The following MAP3K7CL variants were observed in gnomAD, a reference collection of about 807,000 sequenced individuals.
MAP3K7CL encodes the protein MAP3K7 C-terminal-like protein.
MAP3K7CL carries 16 observed loss-of-function variants against 18.6 expected under a neutral mutation model. The observed-to-expected ratio is 0.86, with a 90% CI of 0.58 to 1.31. The LOEUF is 1.31. MAP3K7CL is among the 50% of genes most tolerant of loss of function. The probability of loss-of-function intolerance (pLI) is 0.00; values close to 1 mark genes in which losing one functional copy is unlikely to be tolerated. For missense variants in MAP3K7CL, 163 were observed against 174.4 expected (o/e 0.93, Z 0.37); for synonymous variants, 65 against 66.8 (o/e 0.97, Z 0.13).
chr21:29,103,963 A>AT (rs11441509), intron 4 of MAP3K7CL, among the ~76,000 whole-genome samples: 8,014 of 150,820 alleles, frequency 0.053, 276 homozygotes, highest in Middle Eastern at 0.12. Flanking sequence ...TTTTGGAGTA[A>AT]TTTTTTTTTT....
upstream of MAP3K7CL, chr21:29,128,118 G>A (rs966191417): frequency 3.9e-5 from 6 of 152,284 alleles, no homozygotes; most frequent in African/African-American, 1.4e-4. Context: ...CACAGATGTG[G>A]TATCTGCTTT....
At chr21:29,087,851 C>G (rs1217941039) in intron 1 of MAP3K7CL, among the ~76,000 whole-genome samples, 1 of 152,008 alleles carries the variant, frequency 6.6e-6, no homozygotes, top group African/African-American at 2.4e-5. Flanking sequence ...CCTCGGCCTC[C>G]CAAAGTGCTG....
intron 4 of MAP3K7CL, among the ~76,000 whole-genome samples, chr21:29,094,646 A>T (rs1031100669): frequency 1.3e-5 from 2 of 152,312 alleles, no homozygotes; most frequent in African/African-American, 4.8e-5. Flanking sequence ...CCTTTGTGTG[A>T]TCTGTGTGTG....
At chr21:29,093,982 A>G (rs934081448) in intron 4 of MAP3K7CL, among the ~76,000 whole-genome samples, 1 of 152,236 alleles carries the variant, frequency 6.6e-6, no homozygotes, top group African/African-American at 2.4e-5. Flanking sequence ...TAAACTGTTT[A>G]AAGGTTAGTT....
intron 2 of MAP3K7CL, among the ~76,000 whole-genome samples, chr21:29,144,359 T>C (rs1314310867): frequency 6.6e-6 from 1 of 152,150 alleles, no homozygotes; most frequent in African/African-American, 2.4e-5. Context: ...GAGACAGGTT[T>C]TCACCATGTT....
rs1471286520 is a variant in MAP3K7CL at position 29,093,757 on chromosome 21, C to T, written c.370+1176C>T. Among the ~76,000 whole-genome samples, 3 of 152,290 alleles carry T rather than the reference C, an allele frequency of 2.0e-5. No homozygotes were observed. In the East Asian group the frequency reaches 5.8e-4, roughly 29 times the overall value. ...CCACCCGCCTCGGCCTCCCAAAGTGCTGGGATTACAGGCGTGAGCCACCGC... is the reference window on the plus strand; with the variant it reads ...CCACCCGCCTCGGCCTCCCAAAGTGTTGGGATTACAGGCGTGAGCCACCGC... On this transcript the variant is annotated intron_variant, in intron 4 of 6. Transcript: ENST00000286791.
At chr21:29,092,574 C>T in exon 4 of MAP3K7CL, 2 of 1,614,064 alleles carry the variant, frequency 1.2e-6, no homozygotes. Flanking sequence ...TCCCCAGCTC[C>T]CCTCTGGGTG....
intron 4 of MAP3K7CL, among the ~76,000 whole-genome samples, chr21:29,171,169 A>G (rs1046532567): frequency 2.0e-5 from 3 of 152,070 alleles, no homozygotes; most frequent in Non-Finnish European, 4.4e-5. Flanking sequence ...CTATTTCCTC[A>G]TTTTTAAAAC....
intron 4 of MAP3K7CL, among the ~76,000 whole-genome samples, chr21:29,105,311 A>G (rs2086302003): frequency 2.0e-5 from 3 of 152,160 alleles, no homozygotes; most frequent in Admixed American, 1.3e-4. Flanking sequence ...TTCCCATGCC[A>G]TGCTGATGAT....
At chr21:29,154,391 CT>C (rs34978405) in intron 3 of MAP3K7CL, among the ~76,000 whole-genome samples, 116,518 of 147,782 alleles carry the variant, frequency 0.79, 45,801 homozygotes, top group African/African-American at 0.83. Flanking sequence ...AACAATATGA[CT>C]TTTTTTTTTT....
intron 1 of MAP3K7CL, among the ~76,000 whole-genome samples, chr21:29,090,759 C>CTT (rs201546448): frequency 4.1e-5 from 6 of 145,618 alleles, no homozygotes; most frequent in East Asian, 4.0e-4. Flanking sequence ...GCCTTCCTCA[C>CTT]TTTTTTTTTT....
intron 2 of MAP3K7CL, among the ~76,000 whole-genome samples, chr21:29,133,792 TC>T (rs1230806852): frequency 1.3e-5 from 2 of 152,248 alleles, no homozygotes. Flanking sequence ...ATATCACTGT[TC>T]CGTTTACAGC....
At chr21:29,172,152 A>G (rs1046892971) in intron 4 of MAP3K7CL, among the ~76,000 whole-genome samples, 10 of 151,294 alleles carry the variant, frequency 6.6e-5, no homozygotes, top group African/African-American at 2.4e-4. Context: ...TTCACAGTCC[A>G]TATTCAAATT....
chr21:29,077,389 T>TGGGGCCGGC (rs1480919514), upstream of MAP3K7CL: 2 of 153,192 alleles, frequency 1.3e-5, no homozygotes, highest in African/African-American at 2.4e-5. Context: ...CCGGGGCCGG[T>TGGGGCCGGC]GGGGCCGGCA....
At chr21:29,152,397 G>A (rs1486416781) in intron 3 of MAP3K7CL, among the ~76,000 whole-genome samples, 1 of 152,184 alleles carries the variant, frequency 6.6e-6, no homozygotes. Context: ...CACAGAGCAG[G>A]CCATCTTTAT....
chr21:29,090,078 C>A (rs2085996848), intron 1 of MAP3K7CL, among the ~76,000 whole-genome samples: 1 of 152,198 alleles, frequency 6.6e-6, no homozygotes. Flanking sequence ...GCAGTAGATG[C>A]AGTAATGTGA....
chr21:29,105,876 A>C (rs1160603235), intron 4 of MAP3K7CL, among the ~76,000 whole-genome samples: 1 of 152,182 alleles, frequency 6.6e-6, no homozygotes, highest in Admixed American at 6.5e-5. Context: ...GGCTACATAG[A>C]GGGAGACAGA....
chr21:29,143,406 G>A (rs1018104563), intron 2 of MAP3K7CL, among the ~76,000 whole-genome samples: 2 of 151,820 alleles, frequency 1.3e-5, no homozygotes, highest in Non-Finnish European at 2.9e-5. Context: ...TTCTCTGTGT[G>A]GAAACCTAAA....
intron 4 of MAP3K7CL, among the ~76,000 whole-genome samples, chr21:29,096,048 T>C (rs2086116229): frequency 6.6e-6 from 1 of 152,332 alleles, no homozygotes; most frequent in South Asian, 2.1e-4. Context: ...AGTAGGTGTT[T>C]ATAGTGAGAA....
Sources: gnomAD v4.1 joint callset for allele counts (sites outside exome capture counted in the v4.1 genomes callset) on GRCh38, gnomAD v4.1.1 for gene constraint, MANE v1.5 for transcripts, NCBI Gene and HGNC (gene_info 2026-07-23, HGNC 2026-07-21) for gene names.